The following OSBPL7 variants were observed in gnomAD, a reference collection of about 807,000 sequenced individuals.
OSBPL7 encodes the protein oxysterol-binding protein-related protein 7.
Under a neutral mutation model 115.8 loss-of-function variants are expected in OSBPL7, and 66 were observed. That is an observed-to-expected ratio of 0.57 (90% CI 0.47 to 0.70). The LOEUF (loss-of-function observed/expected upper bound fraction) is 0.70. Ranked by LOEUF, OSBPL7 falls within the 30% of genes least tolerant of loss-of-function variation. The pLI is 0.00. For synonymous variants in OSBPL7, 441 were observed against 439.2 expected, an observed-to-expected ratio of 1.00 and a Z score of -0.05; for missense variants, 902 against 1,125.5, an observed-to-expected ratio of 0.80 and a Z score of 2.84.
intron 15 of OSBPL7, 37 bp from the exon 16 acceptor site, chr17:47,813,440 G>A (rs1172660596): frequency 2.0e-5 from 33 of 1,611,656 alleles, no homozygotes; most frequent in African/African-American, 4.0e-5. Context: ...TACTGAGGAC[G>A]GGGCCGCCAC....
rs375767545 is a variant in OSBPL7, at chr17:47,809,234, G to C, written c.2026-14C>G. Reference sequence around the variant, plus strand: ...CCAGTACTTGGCCTGGGGTGGGGAAGGCAGGGTTTAGGGAGGTGTCCCCTC... The same window carrying C: ...CCAGTACTTGGCCTGGGGTGGGGAACGCAGGGTTTAGGGAGGTGTCCCCTC... On this transcript the variant is annotated splice_polypyrimidine_tract_variant and intron_variant, in intron 19 of 22. Transcript: ENST00000007414. 49 of 1,613,922 alleles carry C rather than the reference G, an allele frequency of 3.0e-5. No homozygotes were observed. Among genetic ancestry groups the C allele is most frequent in the Non-Finnish European group, 4.1e-5 (48 of 1,180,018 alleles).
intron 15 of OSBPL7, 42 bp from the exon 16 acceptor site, chr17:47,813,445 C>A: frequency 6.2e-7 from 1 of 1,610,706 alleles, no homozygotes; most frequent in Non-Finnish European, 8.5e-7. Context: ...AGGACGGGGC[C>A]GCCACCCCAA....
In OSBPL7 at chr17:47,812,532, C is replaced by G. The variant is rs1309880899; in HGVS notation, c.1737+734G>C. Among the ~76,000 whole-genome samples the G allele has an allele frequency of 2.6e-5, 4 of 152,234 alleles. No individual in the cohort carries two copies. In the East Asian group the frequency reaches 7.7e-4, roughly 29 times the overall value. ...CACCTCACTAACTGGCACCACCATG[C>G]ACCCACTGAATTCCCCAGACCAGGC... On this transcript the variant is annotated intron_variant, in intron 16 of 22. Transcript: ENST00000007414.
Position 47,813,973 on chromosome 17 carries a change from C to A in OSBPL7, c.1352-139G>T. ...CCTGAGCCCTTGTCTCGACTCACAG[C>A]AGGGCAGGGTGACTGGGGCTCTAAC... is the stretch of plus-strand genomic sequence containing the variant. On this transcript the variant is annotated intron_variant, in intron 14 of 22. Transcript: ENST00000007414. 5.0e-6 allele frequency: 6 copies of A among 1,195,922 alleles called. No homozygotes were observed. In the South Asian group the frequency reaches 9.5e-5, roughly 19 times the overall value. 74.1% of individuals were successfully genotyped at this position (1,195,922 alleles called of 1,614,324 possible).
chr17:47,811,312 A>G (rs1033801923), intron 16 of OSBPL7, among the ~76,000 whole-genome samples: 1 of 151,850 alleles, frequency 6.6e-6, no homozygotes, highest in African/African-American at 2.4e-5. Context: ...TTCAATTCCA[A>G]CATCCCACAG....
Position 47,816,386 on chromosome 17 carries a change from AC to A in OSBPL7, c.1023+1del, listed in dbSNP as rs1329253964. The A allele has an allele frequency of 1.3e-6, 2 of 1,502,496 alleles. No individual in the cohort carries two copies. Among genetic ancestry groups the A allele is most frequent in the South Asian group, 1.3e-5 (1 of 75,560 alleles). 93.1% of individuals were successfully genotyped at this position (1,502,496 alleles called of 1,614,324 possible). ...CCAGTCACCCTGTCCCCCAGGCCTC[AC>A]CCCCATTCTTGACAACTCTGAGCCC... On this transcript the variant is annotated splice_donor_variant, in intron 11 of 22. Transcript: ENST00000007414. LOFTEE classifies it high-confidence loss of function. This position sits in a 1 kb window ranked among gnomAD's most constrained non-coding sequence, Gnocchi z 5.8.
rs1165865041 is a variant in OSBPL7 at position 47,816,137 on chromosome 17, C to T, written c.1089G>A (p.Ala363=). ...CAGGGTTGAGGGAGCTGAAAGAGTC[C>T]GCCGTGGTGTCGGAGGAGGTGGACA... The part of the protein sequence containing the change: ...HSLSTSSDTT[A]DSFSSLNPEE... Residue 363 remains alanine (A), a synonymous_variant, in exon 12 of 23, where the codon GCG becomes GCA. Transcript: ENST00000007414. The surrounding 1 kb of genome is among the most constrained non-coding windows in gnomAD (Gnocchi z 5.8). 8.4e-6 allele frequency: 13 copies of T among 1,551,196 alleles called. No individual in the cohort carries two copies. Among genetic ancestry groups the T allele is most frequent in the East Asian group, 2.4e-5 (1 of 40,908 alleles).
intron 2 of OSBPL7, 30 bp downstream of exon 2, chr17:47,820,174 C>T (rs2033354557): frequency 6.2e-7 from 1 of 1,613,760 alleles, no homozygotes; most frequent in South Asian, 1.1e-5. Context: ...CCAGCTTGGC[C>T]CACCCACCAC....
Position 47,815,221 on chromosome 17 carries a change from C to T in OSBPL7, c.1251G>A (p.Glu417=), listed in dbSNP as rs1334445132. The change falls in exon 13 of 23, where the codon GAG becomes GAA. Residue 417 remains glutamate (E), a synonymous_variant. Transcript: ENST00000007414. ...AGCTTCTCTCCTCCCTCACCTCATTCTCAGAAGAGCTGGCGGAGAGGAGAA... is the reference window on the plus strand; with the variant it reads ...AGCTTCTCTCCTCCCTCACCTCATTTTCAGAAGAGCTGGCGGAGAGGAGAA... ...CEVLLSASSS[E]NEGSEEEESC... is the part of the protein sequence containing the mutation. The T allele has an allele frequency of 6.2e-7, 1 of 1,611,222 alleles. No homozygotes were observed. The highest frequency in any genetic ancestry group is 1.7e-5 in the Admixed American group (1 of 59,972).
chr17:47,812,193 C>T (rs770525683), intron 16 of OSBPL7, among the ~76,000 whole-genome samples: 6 of 152,200 alleles, frequency 3.9e-5, no homozygotes, highest in Non-Finnish European at 7.3e-5. Context: ...CTCTGTAATC[C>T]AGTCTCTGTC....
chr17:47,810,537 C>G (rs1047949469), intron 18 of OSBPL7, 57 bp downstream of exon 18: 1 of 1,512,990 alleles, frequency 6.6e-7, no homozygotes, highest in Admixed American at 1.7e-5. Context: ...CACGCCCCCT[C>G]CAGCCTGAAG....
chr17:47,809,112 C>A lies in OSBPL7; in HGVS notation c.2134G>T (p.Gly712Ter). ...FGKWHEGLYR[G>*]PTPGGQCIWK... Reference sequence around the variant, plus strand: ...ATGCACTGGCCACCTGGCGTGGGTCCCCGGTACAGCCCCTCGTGCCACTTC... The same window carrying A: ...ATGCACTGGCCACCTGGCGTGGGTCACCGGTACAGCCCCTCGTGCCACTTC... The change falls in exon 20 of 23, where the codon GGA (glycine) becomes TGA (stop). Residue 712 changes from glycine (G) to a stop codon, truncating the protein, a stop_gained. Transcript: ENST00000007414. LOFTEE classifies it high-confidence loss of function. The A allele has an allele frequency of 6.2e-7, 1 of 1,614,144 alleles. No homozygotes were observed. Among genetic ancestry groups the A allele is most frequent in the East Asian group, 2.2e-5 (1 of 44,878 alleles).
Position 47,816,294 on chromosome 17 carries a change from C to A in OSBPL7, c.1024-92G>T, listed in dbSNP as rs925415034. On this transcript the variant is annotated intron_variant, in intron 11 of 22. Coordinates refer to ENST00000007414, the MANE Select transcript of OSBPL7 (RefSeq NM_145798.3). The surrounding 1 kb of genome is among the most constrained non-coding windows in gnomAD (Gnocchi z 5.8). ...GCAGAGACTGCCTCTGCCAACCCCCCACCCTGACCCAGATCTGCTATCGGA... is the reference window on the plus strand; with the variant it reads ...GCAGAGACTGCCTCTGCCAACCCCCAACCCTGACCCAGATCTGCTATCGGA... 1.2e-5 allele frequency: 18 copies of A among 1,490,882 alleles called. No homozygotes were observed. Among genetic ancestry groups the A allele is most frequent in the Admixed American group, 4.3e-5 (2 of 46,426 alleles). The allele number at this position is 1,490,882 out of a possible 1,614,324, so 92.4% of individuals were successfully genotyped here. A position where few individuals can be genotyped will look rare whatever the true frequency, so the allele number is the denominator to read the frequency against.
intron 5 of OSBPL7, 56 bp downstream of exon 5, chr17:47,818,930 C>T (rs895094141): frequency 2.8e-5 from 41 of 1,458,246 alleles, no homozygotes; most frequent in Middle Eastern, 1.9e-4. Flanking sequence ...CCTGTGTGTT[C>T]CAATGCCTCT....
Position 47,813,383 on chromosome 17 carries a change from A to G in OSBPL7, c.1620T>C (p.Ala540=), listed in dbSNP as rs2033105115. The change falls in exon 16 of 23, where the codon GCT becomes GCC. Residue 540 remains alanine, a synonymous_variant. Coordinates refer to ENST00000007414, the MANE Select transcript of OSBPL7 (RefSeq NM_145798.3). ...CERMVYIAAF[A]VSAYSSTYHR... Reference sequence around the variant, plus strand: ...GGTATGTGGAGGAGTAGGCCGAGACAGCAAAGGCTGCGATGTACACCTGTG... The same window carrying G: ...GGTATGTGGAGGAGTAGGCCGAGACGGCAAAGGCTGCGATGTACACCTGTG... The G allele has an allele frequency of 6.2e-7, 1 of 1,613,996 alleles. No individual in the cohort carries two copies. The highest frequency in any genetic ancestry group is 8.5e-7 in the Non-Finnish European group (1 of 1,180,032).
At chr17:47,817,033 T>C (rs2143550646) in intron 8 of OSBPL7, 161 bp from the exon 9 acceptor site, 1 of 756,868 alleles carries the variant, frequency 1.3e-6, no homozygotes, top group East Asian at 2.7e-5. Flanking sequence ...CAGAGACAAC[T>C]GACATCCCAG....
chr17:47,820,458 C>A, intron 1 of OSBPL7, 93 bp from the exon 2 acceptor site: 1 of 611,426 alleles, frequency 1.6e-6, no homozygotes. Flanking sequence ...AAGGGCTCCC[C>A]AACATACCCT....
chr17:47,820,182 CA>C, intron 2 of OSBPL7, 21 bp downstream of exon 2: 1 of 1,613,884 alleles, frequency 6.2e-7, no homozygotes, highest in South Asian at 1.1e-5. Context: ...GCCCACCCAC[CA>C]CCGCTTTCCC....
intron 13 of OSBPL7, 84 bp from the exon 14 acceptor site, chr17:47,814,698 C>T: frequency 8.5e-7 from 1 of 1,182,768 alleles, no homozygotes; most frequent in Non-Finnish European, 1.2e-6. Context: ...AAGAATCTGC[C>T]CAACTAGCCC....
Sources: allele counts gnomAD v4.1 joint callset (sites outside exome capture counted in the v4.1 genomes callset), GRCh38; gene constraint gnomAD v4.1.1; non-coding constraint Gnocchi (gnomAD v3.1); transcripts MANE v1.5; gene names NCBI Gene and HGNC (gene_info 2026-07-23, HGNC 2026-07-21).